Variants in UGT2B17 observed in about 807,000 individuals in gnomAD.
The protein encoded by UGT2B17 is UDP glucuronosyltransferase family 2 member B17.
UGT2B17 carries 21 observed loss-of-function variants against 48.2 expected under a neutral mutation model. That is an observed-to-expected ratio of 0.44 (90% CI 0.31 to 0.63). The LOEUF (loss-of-function observed/expected upper bound fraction) is 0.63. UGT2B17 is among the 20% of genes least tolerant of loss of function. The pLI is 0.08. For missense variants in UGT2B17, 402 were observed against 696.1 expected (o/e 0.58, Z 4.75); for synonymous variants, 146 against 238.4 (o/e 0.61, Z 3.57).
In UGT2B17 at chr4:68,564,294, A is replaced by ATATATT. The variant is rs1366181355; in HGVS notation, c.873+1277_873+1278insAATATA. On this transcript the variant is annotated intron_variant, in intron 3 of 6. Transcript: ENST00000317746. ...ATTTCATATATATATATATATATAT[A>ATATATT]TTTTTTTTTTTTGAGACAGAGTCTC... Among the ~76,000 whole-genome samples the ATATATT allele has an allele frequency of 5.1e-4, 39 of 75,756 alleles. 3 individuals carry two copies. Among genetic ancestry groups the ATATATT allele is most frequent in the African/African-American group, 1.7e-3 (33 of 19,706 alleles). 49.7% of individuals were successfully genotyped at this position (75,756 alleles called of 152,430 possible).
In UGT2B17 at chr4:68,560,937, G is replaced by A. The variant is rs1240158588; in HGVS notation, c.874-269C>T. ...AAACAAAGCTATGACACTGCAGTAG[G>A]AGGAGATAATGCTAGAAAATATTAC... On this transcript the variant is annotated intron_variant, in intron 3 of 6. Transcript: ENST00000317746. Among the ~76,000 whole-genome samples, 21 of 125,160 alleles carry A rather than the reference G, an allele frequency of 1.7e-4. 8 individuals are homozygous for A. Among genetic ancestry groups the A allele is most frequent in the Non-Finnish European group, 3.0e-4 (18 of 59,306 alleles). The allele number at this position is 125,160 out of a possible 152,430, so 82.1% of individuals were successfully genotyped here. A position where few individuals can be genotyped will look rare whatever the true frequency, so the allele number is the denominator to read the frequency against.
At position 68,553,751 on chromosome 4, in the gene UGT2B17, T is replaced by C. The variant is rs1730955430; in HGVS notation, c.1006-1840A>G. Among the ~76,000 whole-genome samples the C allele has an allele frequency of 1.6e-5, 2 of 124,152 alleles. 1 individual carries two copies. The highest frequency in any genetic ancestry group is 3.4e-5 in the Non-Finnish European group (2 of 58,788). The allele number at this position is 124,152 out of a possible 152,430, so 81.4% of individuals were successfully genotyped here. ...TTGTTTAAGAATCCTAATTCTAGTT[T>C]GGAGATGTGTTGTAAAGGGTCTCCT... On this transcript the variant is annotated intron_variant, in intron 4 of 6. Coordinates refer to ENST00000317746, the MANE Select transcript of UGT2B17 (RefSeq NM_001077.4).
rs1390381240 is a variant in UGT2B17, at chr4:68,573,466, A to C, written c.-65+2485T>G. Among the ~76,000 whole-genome samples the C allele has an allele frequency of 4.0e-5, 5 of 125,836 alleles. 2 individuals are homozygous for C. In the Admixed American group the frequency reaches 4.0e-4, roughly 10 times the overall value. 82.6% of individuals were successfully genotyped at this position (125,836 alleles called of 152,430 possible). A position where few individuals can be genotyped will look rare whatever the true frequency, so the allele number is the denominator to read the frequency against. On this transcript the variant is annotated intron_variant, in intron 1 of 6. Coordinates refer to ENST00000317746, the MANE Select transcript of UGT2B17 (RefSeq NM_001077.4). ...CATTTTTATTGACTGTTATCTACTA[A>C]AATATTGACTTAAATCTTGTAACTA...
chr4:68,574,471 G>GA (rs1209042295), intron 1 of UGT2B17, among the ~76,000 whole-genome samples: 1 of 126,496 alleles, frequency 7.9e-6, no homozygotes, highest in African/African-American at 2.7e-5. Context: ...ATGCTTTAAG[G>GA]AAAAAACCTG....
chr4:68,557,421 A>G (rs1731022194), intron 4 of UGT2B17, among the ~76,000 whole-genome samples: 1 of 125,378 alleles, frequency 8.0e-6, no homozygotes, highest in Non-Finnish European at 1.7e-5. Context: ...TAAAATGTTC[A>G]TGAATATCAA....
At position 68,568,086 on chromosome 4, in the gene UGT2B17, C is replaced by A. The variant is rs752257645; in HGVS notation, c.399G>T (p.Leu133Phe). 1.4e-6 allele frequency: 2 copies of A among 1,382,768 alleles called. No homozygotes were observed. The highest frequency in any genetic ancestry group is 4.0e-5 in the Admixed American group (2 of 50,612). The allele number at this position is 1,382,768 out of a possible 1,614,324, so 85.7% of individuals were successfully genotyped here. ...GTAGTTTTCTCATAAGTTTCTTGTT[C>A]AAAACTGCATCTTCACAGAGCTTTA... is the stretch of plus-strand genomic sequence containing the variant. ...YNIKLCEDAV[L>F]NKKLMRKLQE... Residue 133 changes from leucine (L) to phenylalanine (F), a missense_variant, in exon 2 of 7, where the codon TTG (leucine) becomes TTT (phenylalanine). Leu to Phe is a conservative substitution (Grantham distance 22). This residue lies in a region of UGT2B17 where 84 missense variants were observed against 92.6 expected (regional missense o/e 0.91). Transcript: ENST00000317746.
chr4:68,543,695 G>C lies in UGT2B17; in HGVS notation c.1314-5791C>G, dbSNP rs540626543. On this transcript the variant is annotated intron_variant, in intron 6 of 6. Transcript: ENST00000317746. ...AGGTAAAAACCTTGAAAAAAGATTAGATGAATGGCTAACTAGATAACCAAT... is the reference window on the plus strand; with the variant it reads ...AGGTAAAAACCTTGAAAAAAGATTACATGAATGGCTAACTAGATAACCAAT... Among the ~76,000 whole-genome samples, 2 of 123,922 alleles carry C rather than the reference G, an allele frequency of 1.6e-5. 1 individual carries two copies. The highest frequency in any genetic ancestry group is 1.5e-3 in the East Asian group (2 of 1,298). 81.3% of individuals were successfully genotyped at this position (123,922 alleles called of 152,430 possible).
In UGT2B17 at chr4:68,560,538, T is replaced by C. The variant is rs1299131739; in HGVS notation, c.1004A>G (p.Lys335Arg). 1 of 1,298,008 alleles carries C rather than the reference T, an allele frequency of 7.7e-7. No individual in the cohort carries two copies. Among genetic ancestry groups the C allele is most frequent in the Non-Finnish European group, 1.0e-6 (1 of 983,404 alleles). 80.4% of individuals were successfully genotyped at this position (1,298,008 alleles called of 1,614,324 possible). ...IASALAQIPQ[K>R]VLWRFDGKKP... The stretch of plus-strand genomic sequence containing the variant: ...CACAGTTAAGGCACTTTATCTAACC[T>C]TTTGTGGGATCTGGGCAAGGGCTGA... Residue 335 changes from lysine to arginine, a missense_variant and splice_region_variant, in exon 4 of 7, where the codon AAG becomes AGG. By Grantham distance (26) the Lys-to-Arg change is conservative. This residue lies in a region of UGT2B17 where 5 missense variants were observed against 66.3 expected (regional missense o/e 0.08). Coordinates refer to ENST00000317746, the MANE Select transcript of UGT2B17 (RefSeq NM_001077.4).
At chr4:68,552,541 G>T (rs1482810280) in intron 4 of UGT2B17, among the ~76,000 whole-genome samples, 1 of 126,018 alleles carries the variant, frequency 7.9e-6, no homozygotes, top group African/African-American at 2.7e-5. Flanking sequence ...ACCCCCTGAG[G>T]CTGTGTCATG....
rs1387451131 is a variant in UGT2B17, at chr4:68,571,703, T to C, written c.-64-3155A>G. ...GTCTGTAGGAACTAATTCTTGGGCTTCCTATGGCCATTGATCTACTGTTAT... is the reference window on the plus strand; with the variant it reads ...GTCTGTAGGAACTAATTCTTGGGCTCCCTATGGCCATTGATCTACTGTTAT... On this transcript the variant is annotated intron_variant, in intron 1 of 6. Transcript: ENST00000317746. Among the ~76,000 whole-genome samples, 2 of 126,272 alleles carry C rather than the reference T, an allele frequency of 1.6e-5. 1 individual carries two copies. Among genetic ancestry groups the C allele is most frequent in the Non-Finnish European group, 3.4e-5 (2 of 59,594 alleles). The allele number at this position is 126,272 out of a possible 152,430, so 82.8% of individuals were successfully genotyped here. A position where few individuals can be genotyped will look rare whatever the true frequency, so the allele number is the denominator to read the frequency against.
intron 3 of UGT2B17, among the ~76,000 whole-genome samples, chr4:68,561,340 A>T (rs1318740810): frequency 1.7e-5 from 2 of 119,512 alleles, no homozygotes; most frequent in African/African-American, 5.8e-5. Context: ...ATTGACGTTC[A>T]TCAGTCTGGT....
intron 2 of UGT2B17, 21 bp downstream of exon 2, chr4:68,567,740 C>G (rs1261954164): frequency 7.8e-7 from 1 of 1,287,444 alleles, no homozygotes; most frequent in Non-Finnish European, 9.9e-7. Flanking sequence ...TTAATAAACA[C>G]CAATTGGACA....
chr4:68,570,548 T>C (rs964907037), intron 1 of UGT2B17, among the ~76,000 whole-genome samples: 1 of 126,406 alleles, frequency 7.9e-6, no homozygotes, highest in African/African-American at 2.7e-5. Context: ...GGTCCTTCTC[T>C]TCCTTCATTC....
At chr4:68,552,023 A>C in intron 4 of UGT2B17, 112 bp from the exon 5 acceptor site, 1 of 773,000 alleles carries the variant, frequency 1.3e-6, no homozygotes, top group Non-Finnish European at 1.7e-6. Context: ...ATGAAGAAAT[A>C]AGAAGAAGTG....
chr4:68,545,984 C>G (rs1433225676), intron 6 of UGT2B17, among the ~76,000 whole-genome samples: 1 of 125,862 alleles, frequency 7.9e-6, no homozygotes, highest in Non-Finnish European at 1.7e-5. Flanking sequence ...CAGCTGAATT[C>G]TACCAGAGGT....
chr4:68,550,532 TG>T, intron 6 of UGT2B17, 144 bp downstream of exon 6: 1 of 600,206 alleles, frequency 1.7e-6, no homozygotes, highest in Non-Finnish European at 2.4e-6. Flanking sequence ...AATAATTGTC[TG>T]GTGGAAAATA....
intron 6 of UGT2B17, among the ~76,000 whole-genome samples, chr4:68,542,605 G>C (rs143144370): frequency 0.059 from 7,410 of 126,082 alleles, 1,836 homozygotes; most frequent in African/African-American, 0.17. Context: ...AGGACAGTGG[G>C]TGCAGCGCAC....
At chr4:68,551,498 G>T (rs1364794080) in intron 5 of UGT2B17, among the ~76,000 whole-genome samples, 1 of 124,008 alleles carries the variant, frequency 8.1e-6, no homozygotes, top group African/African-American at 2.7e-5. Flanking sequence ...AAATAACCCT[G>T]CAGTAGGGGA....
Position 68,538,110 on chromosome 4 carries a change from A to G in UGT2B17, c.1314-206T>C, listed in dbSNP as rs763351926. Among the ~76,000 whole-genome samples the G allele has an allele frequency of 4.7e-5, 6 of 126,604 alleles. 1 individual carries two copies. The highest frequency in any genetic ancestry group is 1.0e-4 in the Non-Finnish European group (6 of 59,698). The allele number at this position is 126,604 out of a possible 152,430, so 83.1% of individuals were successfully genotyped here. ...GTTTTATCACTGACAAATACCTTTA[A>G]AAATGAAAAATGGAATTTTCGGTGG... On this transcript the variant is annotated intron_variant, in intron 6 of 6. Transcript: ENST00000317746.
Sources: gnomAD v4.1 joint callset for allele counts (sites outside exome capture counted in the v4.1 genomes callset) on GRCh38, gnomAD v4.1.1 for gene constraint, gnomAD v4.1.1 regional missense constraint, MANE v1.5 for transcripts, NCBI Gene and HGNC (gene_info 2026-07-23, HGNC 2026-07-21) for gene names.